The following FARP1 variants were observed in gnomAD, a reference collection of about 807,000 sequenced individuals.
The protein encoded by FARP1 is FERM, ARH/RhoGEF and pleckstrin domain protein 1.
In FARP1, 52 loss-of-function variants were observed where a neutral mutation model predicts 128.8. That is an observed-to-expected ratio of 0.40 (90% CI 0.32 to 0.51). FARP1 has a LOEUF of 0.51. FARP1 is among the 20% of genes least tolerant of loss of function. The pLI is 0.45. For missense variants in FARP1, 1,333 were observed against 1,367.9 expected, an observed-to-expected ratio of 0.97 and a Z score of 0.40; for synonymous variants, 580 against 551.8, an observed-to-expected ratio of 1.05 and a Z score of -0.72.
chr13:98,418,397 C>G (rs1346586441), intron 16 of FARP1, among the ~76,000 whole-genome samples: 1 of 152,134 alleles, frequency 6.6e-6, no homozygotes, highest in Non-Finnish European at 1.5e-5. Context: ...GCCTCAGCCT[C>G]CCCAGTAGCT....
chr13:98,373,529 G>GACAGAC (rs1253418528), intron 5 of FARP1, among the ~76,000 whole-genome samples: 2 of 79,168 alleles, frequency 2.5e-5, no homozygotes, highest in Non-Finnish European at 5.0e-5. Context: ...GAGACAGACA[G>GACAGAC]ACAGACACAC....
At chr13:98,323,652 C>T (rs1887104517) in intron 2 of FARP1, among the ~76,000 whole-genome samples, 1 of 152,098 alleles carries the variant, frequency 6.6e-6, no homozygotes, top group South Asian at 2.1e-4. Context: ...TAAGGTTTCT[C>T]TAATTGGCAC....
intron 1 of FARP1, among the ~76,000 whole-genome samples, chr13:98,183,400 C>T (rs755938520): frequency 6.6e-6 from 1 of 152,066 alleles, no homozygotes; most frequent in Non-Finnish European, 1.5e-5. Context: ...TTTAGAAGGA[C>T]CATTTTATCT....
chr13:98,385,149 G>T (rs1232219150), intron 7 of FARP1, among the ~76,000 whole-genome samples: 1 of 152,210 alleles, frequency 6.6e-6, no homozygotes, highest in Non-Finnish European at 1.5e-5. Flanking sequence ...TGGTCACCTA[G>T]GGACAAGGTC....
chr13:98,435,829 T>C (rs1892243742), intron 19 of FARP1, 123 bp downstream of exon 19: 2 of 1,011,484 alleles, frequency 2.0e-6, no homozygotes, highest in Non-Finnish European at 1.6e-6. Flanking sequence ...TCCATCCACC[T>C]GGGAGACAAC....
chr13:98,439,383 G>A (rs1487090567), intron 21 of FARP1, among the ~76,000 whole-genome samples, 187 bp downstream of exon 21: 11 of 152,180 alleles, frequency 7.2e-5, no homozygotes, highest in South Asian at 2.1e-4. Flanking sequence ...CTAAAAGCTC[G>A]AGCCTTCTAG....
chr13:98,271,243 T>G (rs891279108), intron 2 of FARP1, among the ~76,000 whole-genome samples: 6 of 152,074 alleles, frequency 3.9e-5, no homozygotes, highest in African/African-American at 1.4e-4. Context: ...CCTAATGAAA[T>G]CTAGAGTTTG....
intron 3 of FARP1, among the ~76,000 whole-genome samples, chr13:98,349,879 C>G (rs1222805765): frequency 1.3e-5 from 2 of 152,012 alleles, no homozygotes; most frequent in Non-Finnish European, 2.9e-5. Context: ...AACTGCAGTT[C>G]CCGGGGATGA....
chr13:98,192,514 C>T (rs900967801), intron 1 of FARP1, among the ~76,000 whole-genome samples: 3 of 152,074 alleles, frequency 2.0e-5, no homozygotes, highest in Admixed American at 1.3e-4. Context: ...CTCAGCCTTT[C>T]GAGTAGCTGG....
intron 1 of FARP1, chr13:98,177,125 C>G: frequency 6.2e-7 from 1 of 1,603,520 alleles, no homozygotes; most frequent in Non-Finnish European, 8.5e-7. Context: ...GGGTCGCAGG[C>G]CGGGCGCTTT....
chr13:98,427,041 C>T (rs982273743), intron 17 of FARP1, among the ~76,000 whole-genome samples: 3 of 152,024 alleles, frequency 2.0e-5, no homozygotes, highest in African/African-American at 7.2e-5. Flanking sequence ...ACTGATGAAC[C>T]AATACTGACA....
chr13:98,431,622 C>T (rs554780226), intron 18 of FARP1: 102 of 177,372 alleles, frequency 5.8e-4, no homozygotes, highest in African/African-American at 1.9e-3. Context: ...CCACCACGCC[C>T]GGCTAATTTT....
Position 98,452,700 on chromosome 13 carries a change from T to C in FARP1, c.*4383T>C, listed in dbSNP as rs985237819. The C allele has an allele frequency of 1.9e-5, 3 of 155,298 alleles. No homozygotes were observed. Among genetic ancestry groups the C allele is most frequent in the African/African-American group, 4.8e-5 (2 of 41,454 alleles). 9.6% of individuals were successfully genotyped at this position (155,298 alleles called of 1,614,324 possible). ...CCAGTTTGTACACAGTGATTCCTTA[T>C]GCACGCCGAAAGGGTTTCCGTAAAA... On this transcript the variant is annotated 3_prime_UTR_variant, in exon 27 of 27. Coordinates refer to ENST00000319562, the MANE Select transcript of FARP1 (RefSeq NM_005766.4).
intron 2 of FARP1, among the ~76,000 whole-genome samples, chr13:98,272,120 C>T (rs757331455): frequency 6.6e-6 from 1 of 152,060 alleles, no homozygotes; most frequent in African/African-American, 2.4e-5. Context: ...ACCTGTACCT[C>T]CTGGGTTCAA....
intron 2 of FARP1, among the ~76,000 whole-genome samples, chr13:98,224,526 C>CAAAAAAAAAAAAAA (rs1203238924): frequency 1.1e-3 from 57 of 50,030 alleles, no homozygotes; most frequent in African/African-American, 1.6e-3. Flanking sequence ...GACTCTGTCT[C>CAAAAAAAAAAAAAA]AAAAAAAAAA....
At chr13:98,439,391 T>C (rs1206089715) in intron 21 of FARP1, among the ~76,000 whole-genome samples, 195 bp downstream of exon 21, 4 of 152,234 alleles carry the variant, frequency 2.6e-5, no homozygotes, top group African/African-American at 4.8e-5. Flanking sequence ...TCGAGCCTTC[T>C]AGGGCTTCTC....
chr13:98,247,988 A>T (rs1018286883), intron 2 of FARP1, among the ~76,000 whole-genome samples: 2 of 152,230 alleles, frequency 1.3e-5, no homozygotes, highest in African/African-American at 4.8e-5. Context: ...CACTAAGACC[A>T]GAAACACATC....
At chr13:98,365,619 T>G (rs1159247715) in intron 4 of FARP1, among the ~76,000 whole-genome samples, 182 bp downstream of exon 4, 1 of 152,244 alleles carries the variant, frequency 6.6e-6, no homozygotes, top group Non-Finnish European at 1.5e-5. Flanking sequence ...AGTTTTAATG[T>G]GTAACAGTTT....
At chr13:98,292,914 A>G (rs113719612) in intron 2 of FARP1, among the ~76,000 whole-genome samples, 1 of 152,210 alleles carries the variant, frequency 6.6e-6, no homozygotes, top group African/African-American at 2.4e-5. Context: ...GATCCTGTGT[A>G]GATAACGTGC....
Sources: gnomAD v4.1 joint callset for allele counts (sites outside exome capture counted in the v4.1 genomes callset) on GRCh38, gnomAD v4.1.1 for gene constraint, MANE v1.5 for transcripts, NCBI Gene and HGNC (gene_info 2026-07-23, HGNC 2026-07-21) for gene names.